LRRC37A2: variants seen among roughly 807,000 people sequenced by gnomAD.
LRRC37A2 encodes the protein leucine-rich repeat-containing protein 37A2.
A neutral mutation model predicts 68.8 loss-of-function variants in LRRC37A2; 9 were observed. The ratio of observed to expected loss-of-function variants is 0.13; its 90% CI spans 0.08 to 0.23. The LOEUF is 0.23. LRRC37A2 is among the 10% of genes least tolerant of loss of function. The pLI is 1.00. For synonymous variants in LRRC37A2, 63 were observed against 367.6 expected (o/e 0.17, Z 9.48); for missense variants, 168 against 950.4 (o/e 0.18, Z 10.82).
At chr17:46,823,203 T>TA in the LRRC37A2 span, among the ~76,000 whole-genome samples, 1 of 132,310 alleles carries the variant, frequency 7.6e-6, no homozygotes, top group East Asian at 2.0e-4. Context: ...TATATTTATA[T>TA]ATAATATATT....
At chr17:46,863,702 T>C in the LRRC37A2 span, among the ~76,000 whole-genome samples, 1 of 152,026 alleles carries the variant, frequency 6.6e-6, no homozygotes, top group Admixed American at 6.5e-5. Flanking sequence ...TGGGAGAAGG[T>C]TACAGCATGG....
At chr17:46,876,977 G>A in the LRRC37A2 span, 1 of 1,291,662 alleles carries the variant, frequency 7.7e-7, no homozygotes, top group Non-Finnish European at 9.8e-7. Flanking sequence ...GGAGGGCAGA[G>A]TGAGAAAGAC....
At chr17:46,839,457 G>A in the LRRC37A2 span, among the ~76,000 whole-genome samples, 11 of 152,218 alleles carry the variant, frequency 7.2e-5, no homozygotes, top group Non-Finnish European at 1.5e-4. Flanking sequence ...CCCCAAAGCT[G>A]TATGGCTGTG....
At chr17:46,749,709 C>G in the LRRC37A2 span, 1 of 1,434,426 alleles carries the variant, frequency 7.0e-7, no homozygotes, top group Non-Finnish European at 9.4e-7. Context: ...TGTGTTCAAG[C>G]TTACTGTAGT....
At chr17:46,785,858 G>T in the LRRC37A2 span, among the ~76,000 whole-genome samples, 1 of 152,210 alleles carries the variant, frequency 6.6e-6, no homozygotes, top group African/African-American at 2.4e-5. Flanking sequence ...GGGAGGGAAG[G>T]GGTGTGGAGG....
chr17:47,017,780 T>A, the LRRC37A2 span: 13 of 1,610,478 alleles, frequency 8.1e-6, no homozygotes, highest in Non-Finnish European at 1.1e-5. Flanking sequence ...GTAGCCTGCC[T>A]CCAGAACTCC....
chr17:46,885,447 C>T, the LRRC37A2 span: 10 of 159,548 alleles, frequency 6.3e-5, no homozygotes, highest in Non-Finnish European at 8.2e-5. Context: ...GGACTACAGG[C>T]GTGCACCACC....
the LRRC37A2 span, chr17:46,924,432 A>C: frequency 6.6e-6 from 1 of 152,210 alleles, no homozygotes; most frequent in Non-Finnish European, 1.5e-5. Context: ...TCTGGTGTAG[A>C]AGTATCTGTT....
At chr17:46,852,685 T>C in the LRRC37A2 span, among the ~76,000 whole-genome samples, 1 of 152,106 alleles carries the variant, frequency 6.6e-6, no homozygotes, top group Non-Finnish European at 1.5e-5. Context: ...CTCCAATATG[T>C]ACAGCCTGTT....
At chr17:46,409,254 A>G in the LRRC37A2 span, 1 of 438,282 alleles carries the variant, frequency 2.3e-6, no homozygotes, top group African/African-American at 2.1e-5. Flanking sequence ...AAAAATATCT[A>G]AGTATTATAT....
At chr17:46,856,397 C>G in the LRRC37A2 span, among the ~76,000 whole-genome samples, 2 of 152,080 alleles carry the variant, frequency 1.3e-5, no homozygotes, top group African/African-American at 4.8e-5. Flanking sequence ...GTGGAAGTGT[C>G]ATTACTATAA....
the LRRC37A2 span, among the ~76,000 whole-genome samples, chr17:46,883,390 G>A: frequency 8.5e-3 from 1,261 of 149,224 alleles, 18 homozygotes; most frequent in African/African-American, 0.029. Context: ...GTTCAAGTGA[G>A]TCTCCTGCCT....
the LRRC37A2 span, among the ~76,000 whole-genome samples, chr17:46,995,411 A>T: frequency 6.6e-5 from 10 of 152,180 alleles, no homozygotes; most frequent in Admixed American, 6.5e-4. Context: ...TAGGCTTATG[A>T]ATATGTTAAA....
chr17:46,788,419 G>A, the LRRC37A2 span, among the ~76,000 whole-genome samples: 1 of 152,092 alleles, frequency 6.6e-6, no homozygotes, highest in African/African-American at 2.4e-5. Flanking sequence ...GACTTTGCTG[G>A]GTCCCCACAT....
At chr17:46,873,119 CACACACA>C in the LRRC37A2 span, among the ~76,000 whole-genome samples, 3 of 151,696 alleles carry the variant, frequency 2.0e-5, no homozygotes, top group South Asian at 4.2e-4. Flanking sequence ...CACACACACA[CACACACA>C]CACACACGAA....
the LRRC37A2 span, among the ~76,000 whole-genome samples, chr17:46,796,339 C>T: frequency 6.6e-6 from 1 of 152,168 alleles, no homozygotes; most frequent in Non-Finnish European, 1.5e-5. Context: ...TCCTCTATGC[C>T]AGGCACTGTT....
the LRRC37A2 span, among the ~76,000 whole-genome samples, chr17:46,787,901 A>G: frequency 6.6e-6 from 1 of 150,688 alleles, no homozygotes; most frequent in Admixed American, 6.7e-5. Flanking sequence ...GGTTTCAGTG[A>G]GCCGAGATTG....
At chr17:46,728,062 G>T in the LRRC37A2 span, among the ~76,000 whole-genome samples, 1 of 152,036 alleles carries the variant, frequency 6.6e-6, no homozygotes, top group African/African-American at 2.4e-5. Context: ...AAAATGGAGG[G>T]ATCAGTTTTG....
the LRRC37A2 span, among the ~76,000 whole-genome samples, chr17:46,726,367 A>G: frequency 3.3e-5 from 5 of 152,310 alleles, no homozygotes; most frequent in Admixed American, 1.3e-4. Context: ...AGTGCTGAAA[A>G]CAGCCTTAGC....
Sources: allele counts gnomAD v4.1 joint callset (sites outside exome capture counted in the v4.1 genomes callset), GRCh38; gene constraint gnomAD v4.1.1; transcripts MANE v1.5; gene names NCBI Gene and HGNC (gene_info 2026-07-23, HGNC 2026-07-21).